PSKH2: variants seen among roughly 807,000 people sequenced by gnomAD.
PSKH2 encodes the protein serine/threonine-protein kinase H2.
PSKH2 carries 16 observed loss-of-function variants against 22.5 expected under a neutral mutation model. That is an observed-to-expected ratio of 0.71 (90% CI 0.48 to 1.08). The LOEUF (loss-of-function observed/expected upper bound fraction) is 1.08, where lower values mean the gene tolerates loss of function less well. PSKH2 is among the 50% of genes least tolerant of loss of function. The probability of loss-of-function intolerance (pLI) is 0.00; values close to 1 mark genes in which losing one functional copy is unlikely to be tolerated. For synonymous variants in PSKH2, 188 were observed against 184.8 expected (o/e 1.02, Z -0.14); for missense variants, 516 against 492.8 (o/e 1.05, Z -0.44).
chr8:86,049,010 C>G (rs911512549), intron 2 of PSKH2, among the ~76,000 whole-genome samples: 1 of 152,158 alleles, frequency 6.6e-6, no homozygotes, highest in African/African-American at 2.4e-5. Context: ...CTCTTCCAAA[C>G]TCTTTGTCCA....
upstream of PSKH2, chr8:86,069,725 C>T: frequency 4.6e-6 from 6 of 1,313,518 alleles, no homozygotes; most frequent in East Asian, 1.4e-4. Flanking sequence ...GCGGGACCCT[C>T]GGAAAGAAAC....
chr8:86,051,913 G>T (rs553799815), intron 2 of PSKH2, among the ~76,000 whole-genome samples: 1 of 152,256 alleles, frequency 6.6e-6, no homozygotes, highest in East Asian at 1.9e-4. Context: ...AGCCATAAAG[G>T]ACAACTGGAG....
At chr8:86,052,701 A>G (rs1224520010) in intron 2 of PSKH2, among the ~76,000 whole-genome samples, 1 of 152,196 alleles carries the variant, frequency 6.6e-6, no homozygotes, top group Non-Finnish European at 1.5e-5. Context: ...TTCCATTCAC[A>G]ATAGCATGAC....
Position 86,047,530 on chromosome 8 carries a change from T to C in PSKH2, c.*932A>G, listed in dbSNP as rs1210879277. ...CAACTAATTAATCATTTATTTACTA[T>C]GTTTACCCACACATATGAGTGACTC... is the stretch of plus-strand genomic sequence containing the variant. On this transcript the variant is annotated 3_prime_UTR_variant, in exon 3 of 3. Transcript: ENST00000276616. 2.0e-5 allele frequency among the ~76,000 whole-genome samples: 3 copies of C among 152,178 alleles called. No homozygotes were observed. Among genetic ancestry groups the C allele is most frequent in the Admixed American group, 1.3e-4 (2 of 15,278 alleles).
At chr8:86,060,769 C>A (rs1320196151) in intron 2 of PSKH2, among the ~76,000 whole-genome samples, 2 of 152,140 alleles carry the variant, frequency 1.3e-5, no homozygotes, top group Non-Finnish European at 2.9e-5. Context: ...AAATCTAGTA[C>A]TTTATTACAA....
upstream of PSKH2, among the ~76,000 whole-genome samples, chr8:86,069,977 G>A (rs963307346): frequency 2.6e-5 from 4 of 151,930 alleles, no homozygotes; most frequent in African/African-American, 9.7e-5. Context: ...AGAACTTTTC[G>A]CTGAGCTCAT....
intron 2 of PSKH2, among the ~76,000 whole-genome samples, chr8:86,062,963 C>T (rs564288731): frequency 2.6e-5 from 4 of 152,106 alleles, no homozygotes; most frequent in Non-Finnish European, 5.9e-5. Context: ...TTTTTGTGTT[C>T]ATTTGCATTT....
chr8:86,053,062 A>G (rs1817655742), intron 2 of PSKH2, among the ~76,000 whole-genome samples: 1 of 152,162 alleles, frequency 6.6e-6, no homozygotes. Flanking sequence ...CTTGACTCTC[A>G]CCTTCAGAGA....
chr8:86,051,186 C>G (rs1817625215), intron 2 of PSKH2, among the ~76,000 whole-genome samples: 1 of 152,066 alleles, frequency 6.6e-6, no homozygotes, highest in African/African-American at 2.4e-5. Context: ...GTGCCTCACT[C>G]TCCCATGCTG....
At chr8:86,058,176 C>T (rs1261070924) in intron 2 of PSKH2, among the ~76,000 whole-genome samples, 1 of 152,206 alleles carries the variant, frequency 6.6e-6, no homozygotes, top group Admixed American at 6.5e-5. Context: ...CTTCCTTGCA[C>T]ACTGGGGAGG....
At chr8:86,066,980 T>C (rs994233824) in intron 1 of PSKH2, among the ~76,000 whole-genome samples, 6 of 152,220 alleles carry the variant, frequency 3.9e-5, no homozygotes, top group African/African-American at 1.2e-4. Flanking sequence ...ACCTCTATTG[T>C]GGATGAAAGC....
At chr8:86,066,753 A>G (rs998947933) in intron 1 of PSKH2, among the ~76,000 whole-genome samples, 13 of 152,062 alleles carry the variant, frequency 8.5e-5, no homozygotes, top group African/African-American at 2.9e-4. Context: ...TGGCTGTACC[A>G]GATTACAGAA....
At chr8:86,063,447 T>C (rs1817805622) in intron 2 of PSKH2, among the ~76,000 whole-genome samples, 1 of 152,180 alleles carries the variant, frequency 6.6e-6, no homozygotes, top group Non-Finnish European at 1.5e-5. Flanking sequence ...GGATAAATAT[T>C]TTACACAAGC....
chr8:86,050,357 C>A (rs1044033281), intron 2 of PSKH2, among the ~76,000 whole-genome samples: 2 of 152,190 alleles, frequency 1.3e-5, no homozygotes, highest in Non-Finnish European at 2.9e-5. Context: ...GTGGGCTCTA[C>A]GCTATCTAAC....
intron 2 of PSKH2, among the ~76,000 whole-genome samples, chr8:86,057,285 T>TACACACACACAC (rs71574253): frequency 0.12 from 16,104 of 129,792 alleles, 973 homozygotes; most frequent in African/African-American, 0.17. Flanking sequence ...TGCATGCATG[T>TACACACACACAC]ACACACACAC....
chr8:86,062,216 A>C (rs559547896), intron 2 of PSKH2, among the ~76,000 whole-genome samples: 2 of 152,294 alleles, frequency 1.3e-5, no homozygotes, highest in African/African-American at 4.8e-5. Context: ...TTAAATGTGC[A>C]TGAATTGGGG....
Position 86,065,538 on chromosome 8 carries a change from C to G in PSKH2, c.186-907G>C, listed in dbSNP as rs192842241. Among the ~76,000 whole-genome samples the G allele has an allele frequency of 1.3e-4, 20 of 152,224 alleles. No individual in the cohort carries two copies. The East Asian group carries it at 3.9e-3, about 29-fold the overall frequency. On this transcript the variant is annotated intron_variant, in intron 1 of 2. Transcript: ENST00000276616. ...CAAAAAGGCCAAGAACATATGTTTACCTACGTAACAAACCTGCACATCCTG... is the reference window on the plus strand; with the variant it reads ...CAAAAAGGCCAAGAACATATGTTTAGCTACGTAACAAACCTGCACATCCTG...
intron 1 of PSKH2, among the ~76,000 whole-genome samples, chr8:86,067,039 C>A (rs1031971810): frequency 6.6e-6 from 1 of 152,170 alleles, no homozygotes; most frequent in Non-Finnish European, 1.5e-5. Context: ...TGCCATCAAA[C>A]TCATTTGTTC....
rs1817540828 is a variant in PSKH2, at chr8:86,047,247, T to A, written c.*1215A>T. Among the ~76,000 whole-genome samples, 1 of 152,214 alleles carries A rather than the reference T, an allele frequency of 6.6e-6. No homozygotes were observed. The highest frequency in any genetic ancestry group is 6.5e-5 in the Admixed American group (1 of 15,286). On this transcript the variant is annotated 3_prime_UTR_variant, in exon 3 of 3. Transcript: ENST00000276616. ...TTTGCCCATTTTTCTATTATTTATC[T>A]AATGAATTTGTAAGTGTCTTTCTAT...
Sources: gnomAD v4.1 joint callset for allele counts (sites outside exome capture counted in the v4.1 genomes callset) on GRCh38, gnomAD v4.1.1 for gene constraint, MANE v1.5 for transcripts, NCBI Gene and HGNC (gene_info 2026-07-23, HGNC 2026-07-21) for gene names.